RNF24: variants seen among roughly 807,000 people sequenced by gnomAD.
RNF24 encodes the protein ring finger protein 24.
In RNF24, 14 loss-of-function variants were observed where a neutral mutation model predicts 20.0. The observed-to-expected ratio is 0.70, with a 90% CI of 0.46 to 1.10. RNF24 has a LOEUF of 1.10. Ranked by LOEUF, RNF24 falls within the 50% of genes least tolerant of loss-of-function variation. The pLI, the probability that RNF24 is intolerant of heterozygous loss-of-function variation, is 0.00. For synonymous variants in RNF24, 45 were observed against 61.1 expected (o/e 0.74, Z 1.23); for missense variants, 124 against 177.6 (o/e 0.70, Z 1.71).
chr20:4,004,016 C>T (rs769576951), intron 1 of RNF24, among the ~76,000 whole-genome samples: 1 of 152,208 alleles, frequency 6.6e-6, no homozygotes, highest in Non-Finnish European at 1.5e-5. Flanking sequence ...CAGCTCAACA[C>T]TAAAGGCCTC....
chr20:3,979,345 G>A (rs2147023294), intron 1 of RNF24, among the ~76,000 whole-genome samples: 1 of 151,940 alleles, frequency 6.6e-6, no homozygotes, highest in African/African-American at 2.4e-5. Flanking sequence ...TAAACAAAAG[G>A]AAACTACTTA....
At chr20:3,979,419 T>A (rs1979195937) in intron 1 of RNF24, among the ~76,000 whole-genome samples, 1 of 152,110 alleles carries the variant, frequency 6.6e-6, no homozygotes, top group Non-Finnish European at 1.5e-5. Flanking sequence ...AGCTGTAATC[T>A]CAGCACAGCA....
At chr20:3,945,688 C>T (rs1378230568) in intron 3 of RNF24, among the ~76,000 whole-genome samples, 1 of 146,324 alleles carries the variant, frequency 6.8e-6, no homozygotes, top group African/African-American at 2.6e-5. Context: ...GCACTCTAGC[C>T]TGGGCAACAA....
rs370602714 is a variant in RNF24, at chr20:3,970,248, C to A, written c.-7-6224G>T. The stretch of plus-strand genomic sequence containing the variant: ...GGAACTCCCATTCCTGCCCCGTCCC[C>A]GCCCCCCATGTCAATAAAGGCTAAA... On this transcript the variant is annotated intron_variant, in intron 1 of 5. Coordinates refer to ENST00000358395, the MANE Select transcript of RNF24 (RefSeq NM_001134337.3). 4.6e-5 allele frequency among the ~76,000 whole-genome samples: 7 copies of A among 152,190 alleles called. No homozygotes were observed. In the East Asian group the frequency reaches 1.2e-3, roughly 25 times the overall value.
At chr20:3,968,930 A>G (rs1475118212) in intron 1 of RNF24, among the ~76,000 whole-genome samples, 2 of 152,068 alleles carry the variant, frequency 1.3e-5, no homozygotes, top group African/African-American at 4.8e-5. Flanking sequence ...GTTATAATGG[A>G]AAGCATATAG....
intron 1 of RNF24, among the ~76,000 whole-genome samples, chr20:3,985,807 C>T (rs965260288): frequency 2.0e-5 from 3 of 150,916 alleles, no homozygotes; most frequent in Admixed American, 1.3e-4. Flanking sequence ...TGGGTTCAAG[C>T]GAATTCTCCT....
intron 1 of RNF24, among the ~76,000 whole-genome samples, chr20:4,004,048 T>C (rs1981643535): frequency 6.6e-6 from 1 of 152,212 alleles, no homozygotes; most frequent in African/African-American, 2.4e-5. Context: ...CCCGGACTTT[T>C]CATCCTCATT....
intron 2 of RNF24, among the ~76,000 whole-genome samples, chr20:3,960,408 G>A (rs2091188806): frequency 6.6e-6 from 1 of 152,176 alleles, no homozygotes; most frequent in African/African-American, 2.4e-5. Context: ...GGTGGCTCAT[G>A]CCTGTAATCC....
At chr20:3,981,538 G>A (rs6084540) in intron 1 of RNF24, among the ~76,000 whole-genome samples, 105,202 of 148,868 alleles carry the variant, frequency 0.71, 37,287 homozygotes, top group South Asian at 0.81. Flanking sequence ...ACAGAGTCTC[G>A]CTCTGTCTCC....
chr20:3,942,424 C>G (rs1260743255), intron 4 of RNF24, among the ~76,000 whole-genome samples: 1 of 151,862 alleles, frequency 6.6e-6, no homozygotes, highest in African/African-American at 2.4e-5. Flanking sequence ...CCACCTCAGC[C>G]TCCCAAAAAG....
chr20:4,003,801 C>T (rs983521872), intron 1 of RNF24, among the ~76,000 whole-genome samples: 2 of 151,894 alleles, frequency 1.3e-5, no homozygotes, highest in Non-Finnish European at 2.9e-5. Flanking sequence ...TGCCACCACA[C>T]CTGGCTAATT....
chr20:3,982,466 A>T (rs892575931), intron 1 of RNF24, among the ~76,000 whole-genome samples: 1 of 150,794 alleles, frequency 6.6e-6, no homozygotes, highest in Admixed American at 6.6e-5. Flanking sequence ...AATCCCAGCT[A>T]CTCGGGAGGT....
intron 1 of RNF24, among the ~76,000 whole-genome samples, chr20:3,966,227 G>T (rs1210898264): frequency 2.0e-5 from 3 of 151,836 alleles, no homozygotes; most frequent in African/African-American, 4.8e-5. Flanking sequence ...GACAGAAAGT[G>T]GTATGGTAGA....
intron 1 of RNF24, among the ~76,000 whole-genome samples, chr20:3,964,665 G>A (rs1306487807): frequency 6.6e-6 from 1 of 152,082 alleles, no homozygotes; most frequent in Non-Finnish European, 1.5e-5. Flanking sequence ...TAGGACTACA[G>A]GCGCGTGCCA....
chr20:3,940,137 T>C (rs1242695599), intron 4 of RNF24, among the ~76,000 whole-genome samples: 5 of 152,066 alleles, frequency 3.3e-5, no homozygotes, highest in African/African-American at 9.7e-5. Flanking sequence ...TTTGTATTTT[T>C]AGTAGAGACG....
Position 4,003,633 on chromosome 20 carries a change from C to CTTTTTTT in RNF24, c.-8+11797_-8+11803dup, listed in dbSNP as rs377227990. On this transcript the variant is annotated intron_variant, in intron 1 of 5. Coordinates refer to ENST00000358395, the MANE Select transcript of RNF24 (RefSeq NM_001134337.3). The stretch of plus-strand genomic sequence containing the variant: ...TTTTGAAGGCCCATGTTAGAAACTC[C>CTTTTTTT]TTTTTTTTTTTTTTTTTTTTTTTTT... 1.7e-4 allele frequency among the ~76,000 whole-genome samples: 14 copies of CTTTTTTT among 84,426 alleles called. 1 individual carries two copies. Among genetic ancestry groups the CTTTTTTT allele is most frequent in the Non-Finnish European group, 1.7e-4 (8 of 47,736 alleles). The allele number at this position is 84,426 out of a possible 152,430, so 55.4% of individuals were successfully genotyped here.
chr20:3,932,613 T>TC lies in RNF24; in HGVS notation c.*1449dup. On this transcript the variant is annotated 3_prime_UTR_variant, in exon 6 of 6. Transcript: ENST00000358395. Reference sequence around the variant, plus strand: ...CCAAGAGCAGAGTAGCAAAGCTCCCTCCATCCATTCTCCATGTCACGCAGA... The same window carrying TC: ...CCAAGAGCAGAGTAGCAAAGCTCCCTCCCATCCATTCTCCATGTCACGCAGA... 3.8e-6 allele frequency: 1 copy of TC among 265,004 alleles called. No individual in the cohort carries two copies. The highest frequency in any genetic ancestry group is 7.0e-6 in the Non-Finnish European group (1 of 142,586). 16.4% of individuals were successfully genotyped at this position (265,004 alleles called of 1,614,324 possible).
chr20:4,001,779 T>TA (rs1032984440), intron 1 of RNF24, among the ~76,000 whole-genome samples: 5 of 151,534 alleles, frequency 3.3e-5, no homozygotes, highest in African/African-American at 7.3e-5. Context: ...CTATAAAACT[T>TA]AAAAAAAATT....
At chr20:3,989,150 G>A (rs1287129763) in intron 1 of RNF24, among the ~76,000 whole-genome samples, 1 of 152,104 alleles carries the variant, frequency 6.6e-6, no homozygotes, top group Non-Finnish European at 1.5e-5. Context: ...GCTAATTCTA[G>A]TTTAAAAGTA....
Sources: allele counts gnomAD v4.1 joint callset (sites outside exome capture counted in the v4.1 genomes callset), GRCh38; gene constraint gnomAD v4.1.1; transcripts MANE v1.5; gene names NCBI Gene and HGNC (gene_info 2026-07-23, HGNC 2026-07-21).